GFRA3: variants seen among roughly 807,000 people sequenced by gnomAD.
GFRA3 encodes the protein GDNF family receptor alpha-3.
A neutral mutation model predicts 40.0 loss-of-function variants in GFRA3; 24 were observed. The observed-to-expected ratio is 0.60, with a 90% confidence interval of 0.43 to 0.84. The LOEUF (loss-of-function observed/expected upper bound fraction) is 0.84, where lower values mean the gene tolerates loss of function less well. GFRA3 is among the 40% of genes least tolerant of loss of function. The probability of loss-of-function intolerance (pLI) is 0.00; values close to 1 mark genes in which losing one functional copy is unlikely to be tolerated. For synonymous variants in GFRA3, 203 were observed against 213.5 expected (o/e 0.95, Z 0.43); for missense variants, 405 against 530.6 (o/e 0.76, Z 2.33).
intron 4 of GFRA3, among the ~76,000 whole-genome samples, chr5:138,256,092 G>A (rs1401305160): frequency 6.6e-5 from 10 of 151,412 alleles, no homozygotes; most frequent in Non-Finnish European, 1.0e-4. Flanking sequence ...TTAGCTGGGC[G>A]TGGTGGCAGG....
chr5:138,258,058 A>C, intron 3 of GFRA3, 107 bp from the exon 4 acceptor site: 1 of 860,674 alleles, frequency 1.2e-6, no homozygotes, highest in Non-Finnish European at 1.9e-6. Context: ...GGTAGTGGAT[A>C]TAGGAGGAAA....
chr5:138,261,619 G>A (rs999194892), intron 2 of GFRA3, among the ~76,000 whole-genome samples: 6 of 149,816 alleles, frequency 4.0e-5, no homozygotes, highest in African/African-American at 1.2e-4. Flanking sequence ...GCTTGAACCC[G>A]GGAGGCAGAG....
rs777979382 is a variant in GFRA3, at chr5:138,259,632, C to T, written c.397G>A (p.Val133Ile). 3.4e-6 allele frequency: 5 copies of T among 1,477,418 alleles called. 1 individual carries two copies. The highest frequency in any genetic ancestry group is 2.3e-5 in the South Asian group (2 of 88,296). 91.5% of individuals were successfully genotyped at this position (1,477,418 alleles called of 1,614,324 possible). A position where few individuals can be genotyped will look rare whatever the true frequency, so the allele number is the denominator to read the frequency against. Reference sequence around the variant, plus strand: ...GTCACTGTGTCTTCATAGGGGGAGACATCCAGCTCATAGTTACCTAGAGAC... The same window carrying T: ...GTCACTGTGTCTTCATAGGGGGAGATATCCAGCTCATAGTTACCTAGAGAC... The part of the protein sequence containing the change: ...ARSLGNYELD[V>I]SPYEDTVTSK... Residue 133 changes from valine to isoleucine, a missense_variant, in exon 3 of 8, where the codon GTC becomes ATC. Val to Ile is a conservative substitution (Grantham distance 29). Transcript: ENST00000274721.
chr5:138,266,688 T>C (rs1431807889), intron 1 of GFRA3, among the ~76,000 whole-genome samples: 4 of 151,994 alleles, frequency 2.6e-5, no homozygotes, highest in Non-Finnish European at 5.9e-5. Flanking sequence ...TTTCTTTTCT[T>C]TTCTTTTCTT....
chr5:138,270,348 G>C (rs1755851017), intron 1 of GFRA3, among the ~76,000 whole-genome samples: 1 of 151,288 alleles, frequency 6.6e-6, no homozygotes, highest in Non-Finnish European at 1.5e-5. Context: ...CTCCAGCCCG[G>C]GCGACAGAGC....
chr5:138,263,292 T>C (rs528328022), intron 2 of GFRA3, among the ~76,000 whole-genome samples: 1 of 152,302 alleles, frequency 6.6e-6, no homozygotes, highest in Non-Finnish European at 1.5e-5. Flanking sequence ...ACAGAGCTTT[T>C]AGGGCATCTT....
In GFRA3 at chr5:138,264,328, G is replaced by A. The variant is rs1183908363; in HGVS notation, c.312C>T (p.His104=). Residue 104 remains histidine, a synonymous_variant, in exon 2 of 8, where the codon CAC becomes CAT. Coordinates refer to ENST00000274721, the MANE Select transcript of GFRA3 (RefSeq NM_001496.4). The part of the protein sequence containing the change: ...RNSSLIGCMC[H]RRMKNQVACL... Reference sequence around the variant, plus strand: ...AGGCAACCTGGTTCTTCATGCGCCGGTGGCACATGCAGCCTATCAGAGAGC... The same window carrying A: ...AGGCAACCTGGTTCTTCATGCGCCGATGGCACATGCAGCCTATCAGAGAGC... 1 of 1,612,956 alleles carries A rather than the reference G, an allele frequency of 6.2e-7. No homozygotes were observed.
intron 7 of GFRA3, 79 bp downstream of exon 7, chr5:138,253,208 T>C: frequency 2.0e-6 from 2 of 989,242 alleles, no homozygotes. Context: ...CCCTCGCCTC[T>C]ATCCCTTTGT....
chr5:138,257,605 A>T lies in GFRA3; in HGVS notation c.785+34T>A, dbSNP rs1475257466. 1.9e-6 allele frequency: 3 copies of T among 1,566,252 alleles called. No homozygotes were observed. The African/African-American group carries it at 4.1e-5, about 21-fold the overall frequency. ...GCCAGGAAGGAGTGGCGTGTGCCTC[A>T]TCCCTGCCCACCCTGTCCTCCCAAA... is the stretch of plus-strand genomic sequence containing the variant. On this transcript the variant is annotated intron_variant, in intron 4 of 7. Transcript: ENST00000274721.
At chr5:138,271,911 T>TGTGTA (rs61407779) in intron 1 of GFRA3, among the ~76,000 whole-genome samples, 1 of 95,230 alleles carries the variant, frequency 1.1e-5, no homozygotes, top group African/African-American at 3.7e-5. Flanking sequence ...TTTTTTTTTT[T>TGTGTA]TTTGTGTGTG....
Position 138,271,901 on chromosome 5 carries a change from T to TGTGTGTGTG in GFRA3, c.91+2432_91+2433insCACACACAC, listed in dbSNP as rs1435516404. On this transcript the variant is annotated intron_variant, in intron 1 of 7. Coordinates refer to ENST00000274721, the MANE Select transcript of GFRA3 (RefSeq NM_001496.4). ...CAGTATTTTCTTTTCTGTTTTTTTT[T>TGTGTGTGTG]TTTTTTTTTTTTTGTGTGTGTGTGT... Among the ~76,000 whole-genome samples, 572 of 97,386 alleles carry TGTGTGTGTG rather than the reference T, an allele frequency of 5.9e-3. 12 individuals carry two copies. Among genetic ancestry groups the TGTGTGTGTG allele is most frequent in the Non-Finnish European group, 9.4e-3 (425 of 45,368 alleles). The allele number at this position is 97,386 out of a possible 152,430, so 63.9% of individuals were successfully genotyped here.
chr5:138,265,303 G>A (rs190851066), intron 1 of GFRA3, among the ~76,000 whole-genome samples: 4 of 129,986 alleles, frequency 3.1e-5, no homozygotes, highest in East Asian at 2.6e-4. Context: ...CGCAACCTCC[G>A]CCTCCCGGGT....
intron 1 of GFRA3, among the ~76,000 whole-genome samples, chr5:138,272,987 CA>C (rs1209102812): frequency 3.3e-5 from 5 of 152,294 alleles, no homozygotes; most frequent in East Asian, 3.9e-4. Context: ...GTGAGGCCCA[CA>C]ACCCAGGTAT....
chr5:138,272,846 T>A (rs556092521), intron 1 of GFRA3, among the ~76,000 whole-genome samples: 1 of 152,222 alleles, frequency 6.6e-6, no homozygotes, highest in Non-Finnish European at 1.5e-5. Context: ...GTCTATTTCA[T>A]ATTGATTTGT....
intron 2 of GFRA3, among the ~76,000 whole-genome samples, chr5:138,263,124 C>G (rs1335451506): frequency 1.3e-5 from 2 of 152,034 alleles, no homozygotes; most frequent in Non-Finnish European, 2.9e-5. Context: ...CACCACCATG[C>G]CCAGCTAATT....
At chr5:138,269,609 C>T (rs1351721800) in intron 1 of GFRA3, among the ~76,000 whole-genome samples, 3 of 150,994 alleles carry the variant, frequency 2.0e-5, no homozygotes, top group Non-Finnish European at 3.0e-5. Context: ...TTTGGGAAGC[C>T]GAGGTAGGCA....
At position 138,253,751 on chromosome 5, in the gene GFRA3, G is replaced by A; in HGVS notation, c.1024+15C>T. The A allele has an allele frequency of 6.2e-7, 1 of 1,612,516 alleles. No individual in the cohort carries two copies. Among genetic ancestry groups the A allele is most frequent in the Non-Finnish European group, 8.5e-7 (1 of 1,178,882 alleles). ...ACTCAGCCCCAGGGGCTGGGAGCAA[G>A]TACAGCACACTCACTGAGGCAGGGG... On this transcript the variant is annotated intron_variant, in intron 6 of 7. Transcript: ENST00000274721.
chr5:138,271,095 C>T (rs983258030), intron 1 of GFRA3, among the ~76,000 whole-genome samples: 8 of 151,928 alleles, frequency 5.3e-5, no homozygotes, highest in African/African-American at 1.9e-4. Context: ...CGGGTTCAAG[C>T]GATTCTCCTG....
At chr5:138,259,697 T>C (rs374930749) in intron 2 of GFRA3, 48 bp from the exon 3 acceptor site, 1 of 844,764 alleles carries the variant, frequency 1.2e-6, no homozygotes, top group African/African-American at 1.7e-5. Context: ...CAGGGTGGGG[T>C]AGGCTGGAGG....
Sources: gnomAD v4.1 joint callset for allele counts (sites outside exome capture counted in the v4.1 genomes callset) on GRCh38, gnomAD v4.1.1 for gene constraint, MANE v1.5 for transcripts, NCBI Gene and HGNC (gene_info 2026-07-23, HGNC 2026-07-21) for gene names.